Variants in PAN3 observed in about 807,000 individuals in gnomAD.
PAN3 encodes the protein PAN2-PAN3 deadenylation complex subunit PAN3.
A neutral mutation model predicts 96.2 loss-of-function variants in PAN3; 19 were observed. That is an observed-to-expected ratio of 0.20 (90% confidence interval 0.14 to 0.29). The LOEUF (loss-of-function observed/expected upper bound fraction) is 0.29. Ranked by LOEUF, PAN3 falls within the 10% of genes least tolerant of loss-of-function variation. The pLI, the probability that PAN3 is intolerant of heterozygous loss-of-function variation, is 1.00. For synonymous variants in PAN3, 433 were observed against 406.6 expected (o/e 1.06, Z -0.78); for missense variants, 882 against 1,108.1 (o/e 0.80, Z 2.90).
intron 1 of PAN3, among the ~76,000 whole-genome samples, chr13:28,166,544 G>C (rs1215951077): frequency 6.6e-6 from 1 of 152,188 alleles, no homozygotes; most frequent in East Asian, 1.9e-4. Flanking sequence ...GCTGGTGGCT[G>C]CACAGTTCTG....
rs999029290 is a variant in PAN3 at position 28,273,642 on chromosome 13, T to C, written c.2049+1571T>C. 2.0e-5 allele frequency among the ~76,000 whole-genome samples: 3 copies of C among 152,172 alleles called. No individual in the cohort carries two copies. The East Asian group carries it at 5.8e-4, about 29-fold the overall frequency. ...ATAGTTGTTTTTGCCTTGATTACTC[T>C]GCAAGTAACAAAACTAAAGTAAATA... On this transcript the variant is annotated intron_variant, in intron 14 of 18. Transcript: ENST00000380958.
At chr13:28,139,668 G>A (rs1483646299) in intron 1 of PAN3, among the ~76,000 whole-genome samples, 3 of 152,032 alleles carry the variant, frequency 2.0e-5, no homozygotes, top group African/African-American at 7.2e-5. Context: ...GCTTTCTAAG[G>A]ATTAGGAGGG....
chr13:28,274,244 G>A (rs1886874399), intron 14 of PAN3, among the ~76,000 whole-genome samples: 1 of 152,058 alleles, frequency 6.6e-6, no homozygotes, highest in Admixed American at 6.6e-5. Flanking sequence ...TGGAGACATT[G>A]TTTCTTAGCT....
chr13:28,163,208 A>G (rs1421034481), intron 1 of PAN3, among the ~76,000 whole-genome samples: 4 of 152,198 alleles, frequency 2.6e-5, no homozygotes, highest in Admixed American at 2.6e-4. Context: ...AATAAATTCA[A>G]AACAAAACAA....
chr13:28,236,049 G>A (rs542534673), intron 6 of PAN3, among the ~76,000 whole-genome samples: 1 of 151,872 alleles, frequency 6.6e-6, no homozygotes, highest in Non-Finnish European at 1.5e-5. Flanking sequence ...AGTTTTATAC[G>A]TATTTATTTC....
chr13:28,154,911 C>T (rs1022421324), intron 1 of PAN3, among the ~76,000 whole-genome samples: 5 of 151,266 alleles, frequency 3.3e-5, no homozygotes, highest in Non-Finnish European at 7.4e-5. Flanking sequence ...AGCTCCACCT[C>T]CCGGGTTCAC....
At chr13:28,169,550 C>G (rs78662793) in intron 1 of PAN3, among the ~76,000 whole-genome samples, 10,832 of 151,318 alleles carry the variant, frequency 0.072, 508 homozygotes, top group Middle Eastern at 0.12. Context: ...TCTTTGAACA[C>G]CTGGTGAAGT....
intron 5 of PAN3, among the ~76,000 whole-genome samples, chr13:28,212,533 C>G (rs1249383586): frequency 1.3e-5 from 2 of 152,014 alleles, no homozygotes; most frequent in Admixed American, 1.3e-4. Flanking sequence ...CAAAACTGAT[C>G]CAGAAATAGT....
At chr13:28,230,130 A>G (rs1882388487) in intron 6 of PAN3, among the ~76,000 whole-genome samples, 2 of 151,904 alleles carry the variant, frequency 1.3e-5, no homozygotes, top group African/African-American at 4.8e-5. Flanking sequence ...TGAATAAGGT[A>G]CATGAGCTTT....
At chr13:28,241,231 C>T (rs890360910) in intron 6 of PAN3, among the ~76,000 whole-genome samples, 1 of 152,116 alleles carries the variant, frequency 6.6e-6, no homozygotes, top group African/African-American at 2.4e-5. Flanking sequence ...CCACTGCACT[C>T]CAGCCTGGGC....
At chr13:28,194,469 T>A (rs866356012) in intron 4 of PAN3, among the ~76,000 whole-genome samples, 11,993 of 116,896 alleles carry the variant, frequency 0.1, 321 homozygotes, top group East Asian at 0.23. Context: ...TATATATATT[T>A]TTTTTTTTTT....
intron 18 of PAN3, among the ~76,000 whole-genome samples, chr13:28,292,134 C>T (rs1869823800): frequency 1.3e-5 from 2 of 152,064 alleles, no homozygotes; most frequent in African/African-American, 2.4e-5. Context: ...TATGGAGCAT[C>T]AACTGGGTAA....
In PAN3 at chr13:28,141,462, C is replaced by CTTTTTTTTT. The variant is rs759736683; in HGVS notation, c.430+2389_430+2397dup. 9.7e-3 allele frequency among the ~76,000 whole-genome samples: 875 copies of CTTTTTTTTT among 90,266 alleles called. 2 individuals are homozygous for CTTTTTTTTT. The highest frequency in any genetic ancestry group is 0.014 in the Non-Finnish European group (644 of 46,204). 59.2% of individuals were successfully genotyped at this position (90,266 alleles called of 152,430 possible). On this transcript the variant is annotated intron_variant, in intron 1 of 18. Transcript: ENST00000380958. The stretch of plus-strand genomic sequence containing the variant: ...TCTAGGATTTTCTTTTTCTTTTTTT[C>CTTTTTTTTT]TTTTTTTTTTTTTTTTTTTTTTGAG...
intron 5 of PAN3, among the ~76,000 whole-genome samples, chr13:28,213,083 C>A (rs544479801): frequency 6.6e-6 from 1 of 152,054 alleles, no homozygotes; most frequent in Non-Finnish European, 1.5e-5. Flanking sequence ...CTTTCCGTAT[C>A]CATGGGTTCT....
chr13:28,221,583 T>C (rs774279937), intron 6 of PAN3, among the ~76,000 whole-genome samples: 15 of 152,018 alleles, frequency 9.9e-5, no homozygotes, highest in Non-Finnish European at 2.1e-4. Context: ...AGTATCAGAG[T>C]ACTCAGAGCT....
At chr13:28,223,953 C>T (rs1344686996) in intron 6 of PAN3, among the ~76,000 whole-genome samples, 4 of 140,124 alleles carry the variant, frequency 2.9e-5, no homozygotes, top group East Asian at 2.2e-4. Context: ...ATTCCAAGCT[C>T]GGCCTGCCAG....
At chr13:28,141,887 C>T (rs987005541) in intron 1 of PAN3, among the ~76,000 whole-genome samples, 4 of 152,090 alleles carry the variant, frequency 2.6e-5, no homozygotes, top group African/African-American at 7.2e-5. Context: ...TTAGCAGTGG[C>T]TCAAAGGTGG....
intron 1 of PAN3, among the ~76,000 whole-genome samples, chr13:28,158,719 A>G (rs1377265719): frequency 6.6e-6 from 1 of 152,128 alleles, no homozygotes; most frequent in Non-Finnish European, 1.5e-5. Flanking sequence ...TCTACTAAAT[A>G]TACAAAAAAT....
intron 15 of PAN3, among the ~76,000 whole-genome samples, chr13:28,279,249 C>T (rs1887276637): frequency 6.6e-6 from 1 of 152,144 alleles, no homozygotes; most frequent in Non-Finnish European, 1.5e-5. Context: ...CTGGTTCCTT[C>T]TGCTGCGTGT....
Sources: allele counts gnomAD v4.1 joint callset (sites outside exome capture counted in the v4.1 genomes callset), GRCh38; gene constraint gnomAD v4.1.1; transcripts MANE v1.5; gene names NCBI Gene and HGNC (gene_info 2026-07-23, HGNC 2026-07-21).